The following SRPK2 variants were observed in gnomAD, a reference collection of about 807,000 sequenced individuals.
SRPK2 encodes SFRS protein kinase 2.
In SRPK2, 21 loss-of-function variants were observed where a neutral mutation model predicts 90.8. The observed-to-expected ratio is 0.23, with a 90% CI of 0.16 to 0.33. SRPK2 has a LOEUF of 0.33. Among genes scored for constraint, SRPK2 ranks in the 10% least tolerant of loss-of-function variants. The pLI is 1.00. For missense variants in SRPK2, 620 were observed against 869.0 expected (o/e 0.71, Z 3.60); for synonymous variants, 288 against 311.1 (o/e 0.93, Z 0.78).
chr7:105,271,729 T>A (rs1489532233), intron 2 of SRPK2, among the ~76,000 whole-genome samples: 1 of 152,218 alleles, frequency 6.6e-6, no homozygotes, highest in Non-Finnish European at 1.5e-5. Flanking sequence ...GAGCCATCCG[T>A]TCCCTTGACC....
chr7:105,224,534 A>C (rs1342173384), intron 2 of SRPK2, among the ~76,000 whole-genome samples: 1 of 152,172 alleles, frequency 6.6e-6, no homozygotes, highest in Non-Finnish European at 1.5e-5. Flanking sequence ...ACTTGAACTC[A>C]GGAGGTGGAG....
At chr7:105,183,221 TTTC>T (rs1197457730) in intron 3 of SRPK2, among the ~76,000 whole-genome samples, 3 of 152,188 alleles carry the variant, frequency 2.0e-5, no homozygotes, top group Non-Finnish European at 4.4e-5. Context: ...TGTAAAAAAT[TTTC>T]TTCAATATAC....
chr7:105,339,361 T>C (rs1413692502), intron 2 of SRPK2, among the ~76,000 whole-genome samples: 2 of 152,202 alleles, frequency 1.3e-5, no homozygotes, highest in African/African-American at 4.8e-5. Flanking sequence ...ATTCATTCCA[T>C]AAGCACTTAT....
intron 2 of SRPK2, among the ~76,000 whole-genome samples, chr7:105,233,091 A>AGAAGGAAGAAGGAAGGAAG (rs1799679765): frequency 1.1e-5 from 1 of 91,846 alleles, no homozygotes; most frequent in African/African-American, 4.3e-5. Context: ...AAGGAAGGAA[A>AGAAGGAAGAAGGAAGGAAG]GAAGGAAGGA....
chr7:105,268,847 C>A, intron 2 of SRPK2: 1 of 1,593,572 alleles, frequency 6.3e-7, no homozygotes, highest in South Asian at 1.1e-5. Context: ...CTGACATCAG[C>A]AGCTCAATCT....
chr7:105,395,038 C>CGGCACA (rs1295616650), intron 1 of SRPK2, among the ~76,000 whole-genome samples: 1 of 151,978 alleles, frequency 6.6e-6, no homozygotes, highest in Non-Finnish European at 1.5e-5. Context: ...CTAGGCGTGG[C>CGGCACA]GGCACATGCC....
intron 11 of SRPK2, among the ~76,000 whole-genome samples, chr7:105,139,363 TAGG>T (rs1241148575): frequency 6.6e-6 from 1 of 151,966 alleles, no homozygotes; most frequent in Admixed American, 6.6e-5. Flanking sequence ...GACCCCTACT[TAGG>T]AGGTATGACT....
intron 3 of SRPK2, among the ~76,000 whole-genome samples, chr7:105,173,515 G>A (rs1007646207): frequency 8.6e-5 from 13 of 152,006 alleles, no homozygotes; most frequent in African/African-American, 3.1e-4. Flanking sequence ...CCGTGCACCA[G>A]ACCACACTAA....
chr7:105,219,011 C>A (rs575340632), intron 2 of SRPK2, among the ~76,000 whole-genome samples: 5 of 151,994 alleles, frequency 3.3e-5, no homozygotes, highest in African/African-American at 1.2e-4. Flanking sequence ...GCAAAAGTGG[C>A]CGCAGAAATA....
At chr7:105,385,439 G>A (rs1025625258) in intron 2 of SRPK2, among the ~76,000 whole-genome samples, 4 of 151,942 alleles carry the variant, frequency 2.6e-5, no homozygotes, top group African/African-American at 7.3e-5. Flanking sequence ...GCCTCCCAAA[G>A]TGCTGGGATT....
intron 2 of SRPK2, among the ~76,000 whole-genome samples, chr7:105,357,662 T>A (rs1339074919): frequency 6.6e-6 from 1 of 151,696 alleles, no homozygotes; most frequent in Non-Finnish European, 1.5e-5. Flanking sequence ...GAGAATTGCT[T>A]GAACCCAGGA....
intron 2 of SRPK2, among the ~76,000 whole-genome samples, chr7:105,344,929 A>G (rs974388765): frequency 1.1e-4 from 17 of 151,880 alleles, no homozygotes; most frequent in Non-Finnish European, 2.2e-4. Context: ...AGAGGTCAGG[A>G]GTTCAAGACC....
chr7:105,264,577 T>C (rs1437663288), intron 2 of SRPK2, among the ~76,000 whole-genome samples: 1 of 151,988 alleles, frequency 6.6e-6, no homozygotes, highest in Non-Finnish European at 1.5e-5. Context: ...GCTAGCTAAC[T>C]GAAATGTTAA....
At chr7:105,176,959 G>GT (rs1241895956) in intron 3 of SRPK2, among the ~76,000 whole-genome samples, 1 of 152,064 alleles carries the variant, frequency 6.6e-6, no homozygotes, top group Non-Finnish European at 1.5e-5. Flanking sequence ...CTTGAGTGAA[G>GT]TAAGAATCTG....
At chr7:105,201,603 A>G (rs1795559652) in intron 3 of SRPK2, among the ~76,000 whole-genome samples, 1 of 150,424 alleles carries the variant, frequency 6.6e-6, no homozygotes, top group African/African-American at 2.4e-5. Context: ...CTCCTAAAGA[A>G]TGGTTCTAGC....
At chr7:105,366,086 C>T (rs1276988153) in intron 2 of SRPK2, among the ~76,000 whole-genome samples, 1 of 152,034 alleles carries the variant, frequency 6.6e-6, no homozygotes, top group African/African-American at 2.4e-5. Context: ...ATCTCTTGAC[C>T]TTGTGATCCG....
chr7:105,309,729 C>G (rs865983452), intron 2 of SRPK2, among the ~76,000 whole-genome samples: 30 of 152,188 alleles, frequency 2.0e-4, no homozygotes, highest in African/African-American at 7.0e-4. Flanking sequence ...TTTTAAAGCA[C>G]TGTCAACCAC....
intron 2 of SRPK2, among the ~76,000 whole-genome samples, chr7:105,329,486 G>A (rs922327889): frequency 1.3e-5 from 2 of 151,826 alleles, no homozygotes; most frequent in African/African-American, 4.8e-5. Flanking sequence ...TCAGCTACTC[G>A]GGAGGCTGAG....
At chr7:105,306,011 A>G (rs1811103315) in intron 2 of SRPK2, among the ~76,000 whole-genome samples, 1 of 152,242 alleles carries the variant, frequency 6.6e-6, no homozygotes, top group South Asian at 2.1e-4. Flanking sequence ...GGTGGAGGGC[A>G]GGAAACTAAA....
Sources: allele counts gnomAD v4.1 joint callset (sites outside exome capture counted in the v4.1 genomes callset), GRCh38; gene constraint gnomAD v4.1.1; transcripts MANE v1.5; gene names NCBI Gene and HGNC (gene_info 2026-07-23, HGNC 2026-07-21).